Variants in CCDC12 observed in about 807,000 individuals in gnomAD.
CCDC12 encodes the protein coiled-coil domain containing 12.
CCDC12 carries 28 observed loss-of-function variants against 25.7 expected under a neutral mutation model. The ratio of observed to expected loss-of-function variants is 1.09; its 90% confidence interval spans 0.81 to 1.50. CCDC12 has a LOEUF of 1.50. Among genes scored for constraint, CCDC12 ranks in the 40% most tolerant of loss-of-function variants. The pLI, the probability that CCDC12 is intolerant of heterozygous loss-of-function variation, is 0.00. For missense variants in CCDC12, 198 were observed against 210.0 expected, an observed-to-expected ratio of 0.94 and a Z score of 0.35; for synonymous variants, 75 against 87.7, an observed-to-expected ratio of 0.86 and a Z score of 0.81.
intron 2 of CCDC12, among the ~76,000 whole-genome samples, chr3:46,930,154 C>T (rs2033150164): frequency 6.6e-6 from 1 of 151,858 alleles, no homozygotes; most frequent in Admixed American, 6.6e-5. Flanking sequence ...GGACTACAGG[C>T]ATGAGCCACC....
intron 2 of CCDC12, among the ~76,000 whole-genome samples, chr3:46,930,602 C>T (rs1575539058): frequency 1.3e-5 from 2 of 152,228 alleles, no homozygotes; most frequent in African/African-American, 2.4e-5. Flanking sequence ...CAGGAGCAGA[C>T]ACATCAGCCA....
chr3:46,950,708 C>T (rs1489227101), intron 1 of CCDC12, among the ~76,000 whole-genome samples: 1 of 152,032 alleles, frequency 6.6e-6, no homozygotes, highest in East Asian at 1.9e-4. Context: ...TCTGTATATG[C>T]TAAACTTAAT....
At chr3:46,968,543 A>G (rs956200194) in intron 1 of CCDC12, among the ~76,000 whole-genome samples, 4 of 152,210 alleles carry the variant, frequency 2.6e-5, no homozygotes, top group African/African-American at 9.7e-5. Context: ...TGAGTTCAGA[A>G]GCTGTATCTC....
At chr3:46,976,954 C>T (rs1301764873), upstream of CCDC12, 7 of 441,892 alleles carry the variant, frequency 1.6e-5, no homozygotes, top group Admixed American at 1.1e-4. Flanking sequence ...GGTGGGGAGC[C>T]AGCAAAAAAA....
intron 2 of CCDC12, among the ~76,000 whole-genome samples, chr3:46,930,989 TAAAGGA>T (rs2033187936): frequency 6.6e-6 from 1 of 152,204 alleles, no homozygotes; most frequent in East Asian, 1.9e-4. Flanking sequence ...TCAAGCTGGA[TAAAGGA>T]ATTCAGAAGG....
At chr3:46,925,757 T>A (rs377613775) in intron 2 of CCDC12, among the ~76,000 whole-genome samples, 15 of 152,348 alleles carry the variant, frequency 9.8e-5, no homozygotes, top group African/African-American at 3.4e-4. Context: ...AGAGGCCCTG[T>A]CTACTCTGTT....
At chr3:46,975,626 G>T (rs1250862456) in intron 1 of CCDC12, among the ~76,000 whole-genome samples, 1 of 144,946 alleles carries the variant, frequency 6.9e-6, no homozygotes, top group African/African-American at 2.5e-5. Flanking sequence ...CGCCTCCTGG[G>T]TTGACGCCAT....
At chr3:46,949,611 A>C (rs1008180459) in intron 1 of CCDC12, among the ~76,000 whole-genome samples, 1 of 152,182 alleles carries the variant, frequency 6.6e-6, no homozygotes, top group Non-Finnish European at 1.5e-5. Context: ...GACCTCCCTG[A>C]GGCTCTGTCT....
At position 46,923,674 on chromosome 3, in the gene CCDC12, G is replaced by C. The variant is rs1433112958; in HGVS notation, c.245-6C>G. 2 of 1,536,626 alleles carry C rather than the reference G, an allele frequency of 1.3e-6. No homozygotes were observed. Among genetic ancestry groups the C allele is most frequent in the Admixed American group, 2.0e-5 (1 of 50,250 alleles). Reference sequence around the variant, plus strand: ...CTCCTTCACCTTCTCCTCCACTAGAGGGTGCAATTAAACAGAGAAGGCCTG... The same window carrying C: ...CTCCTTCACCTTCTCCTCCACTAGACGGTGCAATTAAACAGAGAAGGCCTG... On this transcript the variant is annotated splice_polypyrimidine_tract_variant and splice_region_variant and intron_variant, in intron 3 of 6. Transcript: ENST00000683445.
intron 2 of CCDC12, among the ~76,000 whole-genome samples, chr3:46,938,235 G>A (rs549517269): frequency 6.6e-6 from 1 of 152,290 alleles, no homozygotes; most frequent in African/African-American, 2.4e-5. Context: ...CAGCTCAGTG[G>A]GCTCAGGACA....
chr3:46,940,207 G>A (rs1443698548), intron 2 of CCDC12, among the ~76,000 whole-genome samples: 3 of 152,156 alleles, frequency 2.0e-5, no homozygotes, highest in African/African-American at 4.8e-5. Context: ...CACTGGTTCC[G>A]GCAACAGTTT....
intron 1 of CCDC12, among the ~76,000 whole-genome samples, chr3:46,964,644 G>C (rs1441367954): frequency 6.6e-6 from 1 of 152,164 alleles, no homozygotes; most frequent in Non-Finnish European, 1.5e-5. Flanking sequence ...GTTGATCTAT[G>C]ACCTTACCCC....
chr3:46,974,847 T>C (rs137913449), intron 1 of CCDC12, among the ~76,000 whole-genome samples: 235 of 152,362 alleles, frequency 1.5e-3, no homozygotes, highest in Non-Finnish European at 2.8e-3. Flanking sequence ...TCTGTCTCTG[T>C]AGCCCTTTCA....
At chr3:46,947,067 A>G (rs1213902883) in intron 1 of CCDC12, among the ~76,000 whole-genome samples, 5 of 152,164 alleles carry the variant, frequency 3.3e-5, no homozygotes, top group African/African-American at 1.2e-4. Flanking sequence ...ACACTTTCCA[A>G]TCCCCAGGTG....
chr3:46,960,175 C>T (rs2034420115), intron 1 of CCDC12, among the ~76,000 whole-genome samples: 1 of 152,060 alleles, frequency 6.6e-6, no homozygotes, highest in Admixed American at 6.5e-5. Flanking sequence ...CCCAGCCTGA[C>T]CGTGCTTGAG....
intron 1 of CCDC12, among the ~76,000 whole-genome samples, chr3:46,946,532 G>A (rs914976678): frequency 3.9e-5 from 6 of 152,246 alleles, no homozygotes; most frequent in African/African-American, 1.4e-4. Context: ...TGCAGAGCAG[G>A]CCCACATGGC....
intron 2 of CCDC12, among the ~76,000 whole-genome samples, chr3:46,937,077 T>G (rs552450208): frequency 4.6e-5 from 7 of 152,194 alleles, no homozygotes; most frequent in Non-Finnish European, 8.8e-5. Flanking sequence ...CCCATCCAGG[T>G]TGGGCCCTTG....
upstream of CCDC12, among the ~76,000 whole-genome samples, chr3:46,981,035 G>A (rs976564363): frequency 2.6e-5 from 4 of 152,212 alleles, no homozygotes; most frequent in South Asian, 2.1e-4. Flanking sequence ...TCTTCAGTCC[G>A]CTCAGGTTGT....
intron 1 of CCDC12, among the ~76,000 whole-genome samples, chr3:46,961,777 T>C (rs1250026108): frequency 9.2e-5 from 14 of 152,314 alleles, no homozygotes; most frequent in Admixed American, 8.5e-4. Context: ...ACTACTACTA[T>C]ATGTACAATG....
Sources: allele counts gnomAD v4.1 joint callset (sites outside exome capture counted in the v4.1 genomes callset), GRCh38; gene constraint gnomAD v4.1.1; transcripts MANE v1.5; gene names NCBI Gene and HGNC (gene_info 2026-07-23, HGNC 2026-07-21).